NELL1: variants seen among roughly 807,000 people sequenced by gnomAD.
The protein encoded by NELL1 is protein kinase C-binding protein NELL1.
In NELL1, 76 loss-of-function variants were observed where a neutral mutation model predicts 107.4. The ratio of observed to expected loss-of-function variants is 0.71; its 90% CI spans 0.59 to 0.86. The LOEUF (loss-of-function observed/expected upper bound fraction) is 0.86. Among genes scored for constraint, NELL1 ranks in the 40% least tolerant of loss-of-function variants. The pLI is 0.00. For missense variants in NELL1, 1,024 were observed against 1,005.5 expected (o/e 1.02, Z -0.25); for synonymous variants, 353 against 341.2 (o/e 1.03, Z -0.38).
chr11:21,548,890 A>G (rs1856508132), intron 16 of NELL1, among the ~76,000 whole-genome samples: 1 of 150,634 alleles, frequency 6.6e-6, no homozygotes, highest in African/African-American at 2.4e-5. Flanking sequence ...CTGGGGTCCT[A>G]GCATTGCTGA....
chr11:21,148,711 T>C (rs369236754), intron 13 of NELL1, among the ~76,000 whole-genome samples: 67 of 152,334 alleles, frequency 4.4e-4, no homozygotes, highest in African/African-American at 1.3e-3. Flanking sequence ...TAAATTGGAT[T>C]GGGGACCAGG....
intron 15 of NELL1, among the ~76,000 whole-genome samples, chr11:21,525,805 T>C (rs1855838703): frequency 6.6e-6 from 1 of 152,168 alleles, no homozygotes; most frequent in Non-Finnish European, 1.5e-5. Context: ...ATGAGACTTA[T>C]TCACTACCAC....
chr11:20,786,758 C>T (rs563169978), intron 3 of NELL1, among the ~76,000 whole-genome samples: 14 of 151,938 alleles, frequency 9.2e-5, no homozygotes, highest in African/African-American at 3.4e-4. Context: ...CCTGTAATCC[C>T]AGCACTTTGG....
chr11:21,543,022 A>C (rs951477718), intron 16 of NELL1, among the ~76,000 whole-genome samples: 2 of 152,002 alleles, frequency 1.3e-5, no homozygotes, highest in African/African-American at 4.8e-5. Context: ...TCCAGGGAAG[A>C]GACATGTCAG....
intron 12 of NELL1, among the ~76,000 whole-genome samples, chr11:21,092,646 A>G (rs1469709988): frequency 1.3e-5 from 2 of 152,232 alleles, no homozygotes; most frequent in East Asian, 1.9e-4. Flanking sequence ...TTTGCTGTCA[A>G]AAAAATCCAG....
chr11:20,819,822 A>G (rs533636551), intron 3 of NELL1, among the ~76,000 whole-genome samples: 1 of 152,308 alleles, frequency 6.6e-6, no homozygotes, highest in South Asian at 2.1e-4. Context: ...TGGTAAGTAC[A>G]GCAACTCCAG....
At chr11:21,024,338 G>A (rs1406932748) in intron 12 of NELL1, among the ~76,000 whole-genome samples, 2 of 152,048 alleles carry the variant, frequency 1.3e-5, no homozygotes, top group Non-Finnish European at 2.9e-5. Context: ...TACATTGTCT[G>A]TTTTATGGCT....
intron 14 of NELL1, among the ~76,000 whole-genome samples, chr11:21,238,575 A>C (rs1858268861): frequency 6.6e-6 from 1 of 152,052 alleles, no homozygotes; most frequent in Admixed American, 6.6e-5. Flanking sequence ...GCTTCAAAGG[A>C]GAAAGGGGCT....
chr11:21,150,888 G>T (rs1856099678), intron 13 of NELL1, among the ~76,000 whole-genome samples: 1 of 152,100 alleles, frequency 6.6e-6, no homozygotes, highest in African/African-American at 2.4e-5. Flanking sequence ...GGAGTCCTCA[G>T]GAGACTTATA....
At chr11:20,906,622 C>T (rs1432891661) in intron 5 of NELL1, among the ~76,000 whole-genome samples, 11 of 151,982 alleles carry the variant, frequency 7.2e-5, no homozygotes, top group Non-Finnish European at 1.5e-4. Flanking sequence ...CTGAATCCAA[C>T]AGTGTATTAA....
intron 15 of NELL1, among the ~76,000 whole-genome samples, chr11:21,435,841 G>GTAAT (rs1357563186): frequency 6.6e-6 from 1 of 151,142 alleles, no homozygotes; most frequent in South Asian, 2.1e-4. Context: ...TGGTATAATG[G>GTAAT]TAATGCTGGC....
At chr11:20,721,210 ATT>A in intron 2 of NELL1, among the ~76,000 whole-genome samples, 1 of 132,898 alleles carries the variant, frequency 7.5e-6, no homozygotes, top group African/African-American at 3.1e-5. Flanking sequence ...GTATATATAT[ATT>A]TTGTTTATAT....
chr11:21,466,282 C>A lies in NELL1; in HGVS notation c.1646-68092C>A, dbSNP rs186076171. On this transcript the variant is annotated intron_variant, in intron 15 of 19. Coordinates refer to ENST00000357134, the MANE Select transcript of NELL1 (RefSeq NM_006157.5). ...AGTGAGGTCTGGCGACTAGACATGG[C>A]ACCCTACTAGCTGGATTCATAAGGG... Among the ~76,000 whole-genome samples the A allele has an allele frequency of 4.6e-5, 7 of 152,234 alleles. No individual in the cohort carries two copies. In the East Asian group the frequency reaches 9.7e-4, roughly 21 times the overall value.
chr11:21,335,042 TGAA>T lies in NELL1; in HGVS notation c.1550-35808_1550-35806del, dbSNP rs367733411. Among the ~76,000 whole-genome samples, 5 of 152,128 alleles carry T rather than the reference TGAA, an allele frequency of 3.3e-5. No individual in the cohort carries two copies. The South Asian group carries it at 1.0e-3, about 32-fold the overall frequency. ...TCCTCTCTGAACACATTAAGCCATTTGAAGAGGCTCCAAAAGTGGAATCAAATT... is the reference window on the plus strand; with the variant it reads ...TCCTCTCTGAACACATTAAGCCATTTGAGGCTCCAAAAGTGGAATCAAATT... On this transcript the variant is annotated intron_variant, in intron 14 of 19. Transcript: ENST00000357134.
chr11:20,850,325 C>T (rs1437410718), intron 4 of NELL1, among the ~76,000 whole-genome samples: 1 of 152,152 alleles, frequency 6.6e-6, no homozygotes, highest in Non-Finnish European at 1.5e-5. Context: ...ATCCCTGTTA[C>T]TCTTAGAGTT....
chr11:21,069,023 A>T, intron 12 of NELL1, among the ~76,000 whole-genome samples: 1 of 152,190 alleles, frequency 6.6e-6, no homozygotes, highest in East Asian at 1.9e-4. Flanking sequence ...GAATACAACC[A>T]GACACTGCTT....
chr11:21,271,120 G>A (rs753777803), intron 14 of NELL1, among the ~76,000 whole-genome samples: 11 of 151,722 alleles, frequency 7.3e-5, no homozygotes, highest in Non-Finnish European at 1.5e-4. Flanking sequence ...AAAATAAGCA[G>A]GAGAAAACAT....
chr11:20,943,725 CAGAACCTG>C (rs1850905832), intron 10 of NELL1, among the ~76,000 whole-genome samples: 1 of 152,178 alleles, frequency 6.6e-6, no homozygotes, highest in South Asian at 2.1e-4. Context: ...CAGCTGGGAT[CAGAACCTG>C]TGTGGTTTGG....
chr11:21,171,264 A>G (rs1417927353), intron 13 of NELL1, among the ~76,000 whole-genome samples: 1 of 151,792 alleles, frequency 6.6e-6, no homozygotes, highest in Non-Finnish European at 1.5e-5. Context: ...TCAAAAAATG[A>G]GTTTACTGTG....
Sources: gnomAD v4.1 joint callset for allele counts (sites outside exome capture counted in the v4.1 genomes callset) on GRCh38, gnomAD v4.1.1 for gene constraint, MANE v1.5 for transcripts, NCBI Gene and HGNC (gene_info 2026-07-23, HGNC 2026-07-21) for gene names.